The following SLC35F4 variants were observed in gnomAD, a reference collection of about 807,000 sequenced individuals.
SLC35F4 encodes solute carrier family 35 member F4, also known as chromosome 14 open reading frame 36.
Under a neutral mutation model 44.2 loss-of-function variants are expected in SLC35F4, and 24 were observed. That is an observed-to-expected ratio of 0.54 (90% CI 0.39 to 0.76). SLC35F4 has a LOEUF of 0.76. Among genes scored for constraint, SLC35F4 ranks in the 30% least tolerant of loss-of-function variants. The pLI is 0.00. For missense variants in SLC35F4, 562 were observed against 586.1 expected (o/e 0.96, Z 0.42); for synonymous variants, 238 against 223.6 (o/e 1.06, Z -0.57).
chr14:57,942,630 G>C (rs1889935582), intron 1 of SLC35F4, among the ~76,000 whole-genome samples: 1 of 152,154 alleles, frequency 6.6e-6, no homozygotes, highest in Non-Finnish European at 1.5e-5. Context: ...TAATACAACT[G>C]TTGCCCAAAG....
intron 1 of SLC35F4, among the ~76,000 whole-genome samples, chr14:57,643,517 TA>T (rs1330742948): frequency 6.6e-6 from 1 of 152,124 alleles, no homozygotes; most frequent in Non-Finnish European, 1.5e-5. Flanking sequence ...AAAACGGGCT[TA>T]AATAATTTAA....
upstream of SLC35F4, among the ~76,000 whole-genome samples, chr14:57,868,720 C>A (rs1888234665): frequency 6.6e-6 from 1 of 152,124 alleles, no homozygotes; most frequent in African/African-American, 2.4e-5. Context: ...TCAGGTGATT[C>A]ACCAAAGTGC....
At chr14:57,964,230 G>C (rs1283806141) in intron 1 of SLC35F4, among the ~76,000 whole-genome samples, 1 of 152,064 alleles carries the variant, frequency 6.6e-6, no homozygotes, top group Non-Finnish European at 1.5e-5. Flanking sequence ...GCTAGTGAAG[G>C]GGTCCTGGGG....
chr14:57,591,960 A>G (rs2070213674), intron 2 of SLC35F4, among the ~76,000 whole-genome samples: 1 of 152,168 alleles, frequency 6.6e-6, no homozygotes, highest in Non-Finnish European at 1.5e-5. Flanking sequence ...ATAGTCACCT[A>G]CACCTTTTCA....
intron 6 of SLC35F4, 75 bp from the exon 7 acceptor site, chr14:57,566,639 A>G (rs763683112): frequency 3.6e-6 from 5 of 1,399,986 alleles, no homozygotes; most frequent in Non-Finnish European, 3.9e-6. Flanking sequence ...TAGTAAATGA[A>G]TCAATGTCTT....
chr14:57,625,092 G>A (rs2072408014), intron 1 of SLC35F4, among the ~76,000 whole-genome samples: 1 of 152,136 alleles, frequency 6.6e-6, no homozygotes, highest in African/African-American at 2.4e-5. Flanking sequence ...AAGCTGATAA[G>A]CAACTTCAGC....
At chr14:57,687,915 C>T (rs2140322501) in intron 1 of SLC35F4, among the ~76,000 whole-genome samples, 1 of 152,256 alleles carries the variant, frequency 6.6e-6, no homozygotes, top group Middle Eastern at 3.4e-3. Context: ...GCTGCGCATT[C>T]AGGTTAAAAT....
chr14:57,768,167 C>T (rs1176336310), intron 1 of SLC35F4, among the ~76,000 whole-genome samples: 4 of 152,118 alleles, frequency 2.6e-5, no homozygotes, highest in South Asian at 4.1e-4. Context: ...GACACCAACA[C>T]GAGATAAGAC....
chr14:57,617,045 G>C (rs972129195), intron 1 of SLC35F4, among the ~76,000 whole-genome samples: 3 of 151,758 alleles, frequency 2.0e-5, no homozygotes, highest in African/African-American at 7.3e-5. Flanking sequence ...CTTAGCTTTC[G>C]GATGATGATT....
At chr14:57,751,355 G>T (rs953067157) in intron 1 of SLC35F4, among the ~76,000 whole-genome samples, 9 of 152,112 alleles carry the variant, frequency 5.9e-5, no homozygotes, top group Admixed American at 3.3e-4. Flanking sequence ...TAGAGAGAAG[G>T]TAAGACACCC....
intron 1 of SLC35F4, among the ~76,000 whole-genome samples, chr14:57,815,605 C>T (rs1882471657): frequency 6.6e-6 from 1 of 152,074 alleles, no homozygotes; most frequent in Non-Finnish European, 1.5e-5. Context: ...TTACTTCTAC[C>T]TCTGATGCTT....
rs34462836 is a variant in SLC35F4 at position 57,598,891 on chromosome 14, ATGTGTG to A, written c.104-4773_104-4768del. Among the ~76,000 whole-genome samples the A allele has an allele frequency of 1.7e-3, 261 of 150,714 alleles. 2 individuals carry two copies. The highest frequency in any genetic ancestry group is 6.8e-3 in the Middle Eastern group (2 of 294). On this transcript the variant is annotated intron_variant, in intron 1 of 7. Coordinates refer to ENST00000556826, the MANE Select transcript of SLC35F4 (RefSeq NM_001306087.2). Reference sequence around the variant, plus strand: ...CACGATCTAGGGAATGTGTGTGTGTATGTGTGTGTGTGTGTGTGTGTGTATAGAAGG... The same window carrying A: ...CACGATCTAGGGAATGTGTGTGTGTATGTGTGTGTGTGTGTGTATAGAAGG...
At chr14:57,653,378 G>C (rs1390622773) in intron 1 of SLC35F4, among the ~76,000 whole-genome samples, 1 of 152,264 alleles carries the variant, frequency 6.6e-6, no homozygotes, top group Middle Eastern at 3.4e-3. Context: ...TAAAACCAAG[G>C]ATATTTCCAC....
chr14:57,819,458 T>C (rs997697326), intron 1 of SLC35F4, among the ~76,000 whole-genome samples: 4 of 151,726 alleles, frequency 2.6e-5, no homozygotes, highest in Admixed American at 2.6e-4. Flanking sequence ...GATTCCATAA[T>C]GCATAAGGAA....
intron 1 of SLC35F4, among the ~76,000 whole-genome samples, chr14:57,598,879 ATGTGTGTGTGTATGTGTG>A (rs1037735787): frequency 2.7e-5 from 3 of 111,572 alleles, no homozygotes; most frequent in African/African-American, 9.2e-5. Flanking sequence ...GATCTAGGGA[ATGTGTGTGTGTATGTGTG>A]TGTGTGTGTG....
chr14:57,713,427 A>G (rs1051349742), intron 1 of SLC35F4, among the ~76,000 whole-genome samples: 8 of 151,786 alleles, frequency 5.3e-5, no homozygotes, highest in African/African-American at 1.9e-4. Flanking sequence ...CCCCTCCCCT[A>G]TCCCATACCC....
chr14:57,676,882 A>C (rs114467575), intron 1 of SLC35F4, among the ~76,000 whole-genome samples: 2,077 of 152,160 alleles, frequency 0.014, 64 homozygotes, highest in African/African-American at 0.048. Context: ...AAAACAGGAC[A>C]ACCATTCAAT....
chr14:57,579,803 G>A (rs965703082), intron 4 of SLC35F4, among the ~76,000 whole-genome samples: 2 of 152,166 alleles, frequency 1.3e-5, no homozygotes, highest in Non-Finnish European at 2.9e-5. Context: ...AGGGCCTTGT[G>A]CTTGGAAGGT....
chr14:57,730,818 G>A (rs1045496432), intron 1 of SLC35F4, among the ~76,000 whole-genome samples: 16 of 151,458 alleles, frequency 1.1e-4, no homozygotes, highest in South Asian at 1.0e-3. Context: ...AGGAAGCACT[G>A]GAGCTGCAAC....
Sources: gnomAD v4.1 joint callset for allele counts (sites outside exome capture counted in the v4.1 genomes callset) on GRCh38, gnomAD v4.1.1 for gene constraint, MANE v1.5 for transcripts, NCBI Gene and HGNC (gene_info 2026-07-23, HGNC 2026-07-21) for gene names.